Variants in NPR3 observed in about 807,000 individuals in gnomAD.
The protein encoded by NPR3 is natriuretic peptide receptor 3, also known as atrial natriuretic peptide receptor 3.
Under a neutral mutation model 54.5 loss-of-function variants are expected in NPR3, and 34 were observed. The ratio of observed to expected loss-of-function variants is 0.62; its 90% CI spans 0.47 to 0.83. NPR3 has a LOEUF of 0.83. Among genes scored for constraint, NPR3 ranks in the 40% least tolerant of loss-of-function variants. The probability of loss-of-function intolerance (pLI) is 0.00; values close to 1 mark genes in which losing one functional copy is unlikely to be tolerated. For missense variants in NPR3, 674 were observed against 720.8 expected (o/e 0.94, Z 0.74); for synonymous variants, 289 against 297.1 (o/e 0.97, Z 0.28).
rs561967825 is a variant in NPR3, at chr5:32,784,836, G to A, written c.1467G>A (p.Val489=). The change falls in exon 7 of 8, where the codon GTG becomes GTA. Residue 489 remains valine (V), a synonymous_variant. Transcript: ENST00000265074. ...AATCGGCAGTGACAGGAATTGTCGT[G>A]GGGGCTTTACTAGGAGCTGGCTTGC... ...LEESAVTGIV[V]GALLGAGLLM... 5 of 1,613,666 alleles carry A rather than the reference G, an allele frequency of 3.1e-6. No homozygotes were observed. In the African/African-American group the frequency reaches 6.7e-5, roughly 22 times the overall value.
At chr5:32,746,632 C>G (rs1202244501) in intron 3 of NPR3, among the ~76,000 whole-genome samples, 1 of 152,204 alleles carries the variant, frequency 6.6e-6, no homozygotes, top group Non-Finnish European at 1.5e-5. Flanking sequence ...ACTAGGGAGA[C>G]AGTTCACTCT....
chr5:32,719,784 TG>T lies in NPR3; in HGVS notation c.770-4913del, dbSNP rs372880637. 1.0e-3 allele frequency among the ~76,000 whole-genome samples: 109 copies of T among 103,918 alleles called. No individual in the cohort carries two copies. In the South Asian group the frequency reaches 0.024, roughly 23 times the overall value. The allele number at this position is 103,918 out of a possible 152,430, so 68.2% of individuals were successfully genotyped here. A position where few individuals can be genotyped will look rare whatever the true frequency, so the allele number is the denominator to read the frequency against. On this transcript the variant is annotated intron_variant, in intron 1 of 7. Transcript: ENST00000265074. Reference sequence around the variant, plus strand: ...ACCTTCTATTTACCACCTATGTTGTTGTTGTTTTTTTTTTTTTGTAATTCAT... The same window carrying T: ...ACCTTCTATTTACCACCTATGTTGTTTTGTTTTTTTTTTTTTGTAATTCAT...
rs2112088292 is a variant in NPR3 at position 32,789,099 on chromosome 5, T to C, written c.*2754T>C. On this transcript the variant is annotated 3_prime_UTR_variant, in exon 8 of 8. Transcript: ENST00000265074. ...GTAAAATAAATAGGGCTTTAGTTCT[T>C]AAGTAATTCTATAGGATTTTACCCT... The C allele has an allele frequency of 5.4e-6, 1 of 185,080 alleles. No homozygotes were observed. Among genetic ancestry groups the C allele is most frequent in the South Asian group, 1.2e-4 (1 of 8,610 alleles). 11.5% of individuals were successfully genotyped at this position (185,080 alleles called of 1,614,324 possible).
intron 3 of NPR3, among the ~76,000 whole-genome samples, chr5:32,744,137 C>T (rs1021914066): frequency 6.6e-6 from 1 of 151,992 alleles, no homozygotes; most frequent in South Asian, 2.1e-4. Flanking sequence ...AGATTACAGG[C>T]ACGTGCCGCC....
chr5:32,749,731 T>A (rs1740480147), intron 3 of NPR3, among the ~76,000 whole-genome samples: 1 of 152,150 alleles, frequency 6.6e-6, no homozygotes, highest in South Asian at 2.1e-4. Flanking sequence ...TTAAACCCAA[T>A]TTTCAGTTTT....
chr5:32,726,864 G>A (rs1456474421), intron 2 of NPR3, among the ~76,000 whole-genome samples: 2 of 152,050 alleles, frequency 1.3e-5, no homozygotes, highest in Non-Finnish European at 2.9e-5. Context: ...ATAAATACAT[G>A]TTTTACAAAA....
intron 3 of NPR3, among the ~76,000 whole-genome samples, chr5:32,766,638 ATTG>A (rs1279102296): frequency 6.6e-6 from 1 of 152,144 alleles, no homozygotes; most frequent in Non-Finnish European, 1.5e-5. Flanking sequence ...TATTATTATT[ATTG>A]TTATTTATCA....
At position 32,712,220 on chromosome 5, in the gene NPR3, G is replaced by A. The variant is rs1175563580; in HGVS notation, c.444G>A (p.Ser148=). ...YAAAPVARLA[S]HWDLPMLSAG... is the part of the protein sequence containing the mutation. The stretch of plus-strand genomic sequence containing the variant: ...CAGCGCCAGTGGCCCGGCTTGCATC[G>A]CACTGGGACCTGCCCATGCTGTCGG... The change falls in exon 1 of 8, where the codon TCG becomes TCA. Residue 148 remains serine (S), a synonymous_variant. Transcript: ENST00000265074. 3 of 1,612,718 alleles carry A rather than the reference G, an allele frequency of 1.9e-6. No individual in the cohort carries two copies. Among genetic ancestry groups the A allele is most frequent in the South Asian group, 2.2e-5 (2 of 91,036 alleles).
chr5:32,764,280 C>T (rs1246210881), intron 3 of NPR3, among the ~76,000 whole-genome samples: 1 of 152,094 alleles, frequency 6.6e-6, no homozygotes, highest in Non-Finnish European at 1.5e-5. Flanking sequence ...GATATCAGCT[C>T]TCACCTATCT....
Position 32,728,850 on chromosome 5 carries a change from T to TAC in NPR3, c.892+4031_892+4032insCA, listed in dbSNP as rs59378006. ...GTGTGTGTGTGTGTATATATATATA[T>TAC]ATATATATATATATATATATATATA... On this transcript the variant is annotated intron_variant, in intron 2 of 7. Transcript: ENST00000265074. Among the ~76,000 whole-genome samples, 517 of 119,580 alleles carry TAC rather than the reference T, an allele frequency of 4.3e-3. 6 individuals are homozygous for TAC. The highest frequency in any genetic ancestry group is 7.9e-3 in the Middle Eastern group (2 of 252). 78.4% of individuals were successfully genotyped at this position (119,580 alleles called of 152,430 possible).
chr5:32,754,878 T>G (rs955019526), intron 3 of NPR3, among the ~76,000 whole-genome samples: 1 of 152,246 alleles, frequency 6.6e-6, no homozygotes, highest in African/African-American at 2.4e-5. Flanking sequence ...TTTTTTCTTT[T>G]GAGACGGAGT....
intron 3 of NPR3, among the ~76,000 whole-genome samples, chr5:32,749,254 A>G (rs1414124833): frequency 1.3e-5 from 2 of 152,124 alleles, no homozygotes; most frequent in Admixed American, 6.5e-5. Flanking sequence ...TTGCAGGTAT[A>G]TTACATTTGT....
At chr5:32,722,009 T>C (rs1738890554) in intron 1 of NPR3, among the ~76,000 whole-genome samples, 1 of 152,146 alleles carries the variant, frequency 6.6e-6, no homozygotes, top group African/African-American at 2.4e-5. Context: ...CATAAGTATC[T>C]ACCAAAGGCC....
chr5:32,732,514 C>T (rs1211332912), intron 2 of NPR3, among the ~76,000 whole-genome samples: 2 of 152,106 alleles, frequency 1.3e-5, no homozygotes, highest in East Asian at 1.9e-4. Context: ...TGCTATCCTA[C>T]ATCAATTTAG....
intron 1 of NPR3, among the ~76,000 whole-genome samples, chr5:32,701,619 T>C (rs1435151987): frequency 6.6e-6 from 1 of 152,230 alleles, no homozygotes; most frequent in Admixed American, 6.5e-5. Flanking sequence ...TATTGTAGTC[T>C]TTGCAGTCTG....
At chr5:32,719,255 C>T (rs181409373) in intron 1 of NPR3, among the ~76,000 whole-genome samples, 20 of 152,258 alleles carry the variant, frequency 1.3e-4, no homozygotes, top group Admixed American at 1.1e-3. Context: ...CCTGGGACTT[C>T]CATCACCTCT....
intron 1 of NPR3, among the ~76,000 whole-genome samples, chr5:32,701,030 C>T (rs1737773409): frequency 6.6e-6 from 1 of 152,152 alleles, no homozygotes; most frequent in Admixed American, 6.5e-5. Flanking sequence ...AAAAATGTTC[C>T]TCTTTCTCCA....
At chr5:32,735,990 G>C (rs1372720785) in intron 2 of NPR3, among the ~76,000 whole-genome samples, 1 of 152,102 alleles carries the variant, frequency 6.6e-6, no homozygotes, top group African/African-American at 2.4e-5. Context: ...CAACACTTTG[G>C]GAGGCCGAGG....
intron 3 of NPR3, among the ~76,000 whole-genome samples, chr5:32,762,054 G>T (rs561356500): frequency 6.6e-6 from 1 of 152,208 alleles, no homozygotes; most frequent in African/African-American, 2.4e-5. Flanking sequence ...TTGGTTTTCT[G>T]TTCCTGTGTT....
Sources: allele counts gnomAD v4.1 joint callset (sites outside exome capture counted in the v4.1 genomes callset), GRCh38; gene constraint gnomAD v4.1.1; transcripts MANE v1.5; gene names NCBI Gene and HGNC (gene_info 2026-07-23, HGNC 2026-07-21).